DLEU7: variants seen among roughly 807,000 people sequenced by gnomAD.
DLEU7 encodes the protein deleted in lymphocytic leukemia 7, also known as leukemia-associated protein 7.
A neutral mutation model predicts 16.0 loss-of-function variants in DLEU7; 17 were observed. That is an observed-to-expected ratio of 1.06 (90% CI 0.73 to 1.59). The LOEUF is 1.59. Ranked by LOEUF, DLEU7 falls within the 40% of genes most tolerant of loss-of-function variation. The probability of loss-of-function intolerance (pLI) is 0.00; values close to 1 mark genes in which losing one functional copy is unlikely to be tolerated. For missense variants in DLEU7, 308 were observed against 314.9 expected (o/e 0.98, Z 0.17); for synonymous variants, 113 against 139.8 (o/e 0.81, Z 1.35).
Position 50,796,599 on chromosome 13 carries a change from G to A in DLEU7, c.459+46589C>T, listed in dbSNP as rs189860975. On this transcript the variant is annotated intron_variant, in intron 1 of 1. Transcript: ENST00000400393. Reference sequence around the variant, plus strand: ...ACAAAAAACTCAGAAACTGAAACCAGGTATAAGTGGGAACTGCTATAGTCC... The same window carrying A: ...ACAAAAAACTCAGAAACTGAAACCAAGTATAAGTGGGAACTGCTATAGTCC... Among the ~76,000 whole-genome samples the A allele has an allele frequency of 2.3e-3, 348 of 152,244 alleles. 1 individual carries two copies. Among genetic ancestry groups the A allele is most frequent in the African/African-American group, 7.8e-3 (322 of 41,544 alleles).
intron 1 of DLEU7, among the ~76,000 whole-genome samples, chr13:50,830,323 T>G (rs925958481): frequency 7.9e-5 from 12 of 152,350 alleles, no homozygotes; most frequent in African/African-American, 2.9e-4. Context: ...TTAGTTAAAT[T>G]TATTTCAAAT....
chr13:50,798,378 T>G (rs1593399715), intron 1 of DLEU7, among the ~76,000 whole-genome samples: 1 of 152,334 alleles, frequency 6.6e-6, no homozygotes, highest in Non-Finnish European at 1.5e-5. Context: ...TACTTTAATT[T>G]TTACGTTAAG....
intron 1 of DLEU7, among the ~76,000 whole-genome samples, chr13:50,782,342 T>G (rs1479677742): frequency 6.6e-6 from 1 of 152,214 alleles, no homozygotes; most frequent in Non-Finnish European, 1.5e-5. Flanking sequence ...GCCATGGTAA[T>G]CATTTTCCCA....
At chr13:50,839,625 T>C (rs187013761) in intron 1 of DLEU7, among the ~76,000 whole-genome samples, 37 of 152,316 alleles carry the variant, frequency 2.4e-4, no homozygotes, top group African/African-American at 8.7e-4. Flanking sequence ...CTCTAGATAG[T>C]GTAGGCTTCC....
rs562109541 is a variant in DLEU7 at position 50,745,721 on chromosome 13, T to C, written c.460-32481A>G. On this transcript the variant is annotated intron_variant, in intron 1 of 1. Coordinates refer to the DLEU7 transcript ENST00000400393. ...CGAGTGACAGCACTGAAAGGAAATT[T>C]ATCTTCCTGGTCTCTTTTTTCGATC... Among the ~76,000 whole-genome samples the C allele has an allele frequency of 1.7e-4, 26 of 152,270 alleles. 1 individual carries two copies. The South Asian group carries it at 2.9e-3, about 17-fold the overall frequency.
At chr13:50,831,952 T>C (rs1877283704) in intron 1 of DLEU7, among the ~76,000 whole-genome samples, 1 of 152,188 alleles carries the variant, frequency 6.6e-6, no homozygotes, top group Admixed American at 6.5e-5. Context: ...TTTTCTTTTT[T>C]TCTTTTGTCT....
At chr13:50,741,615 T>C (rs1874251630) in intron 1 of DLEU7, among the ~76,000 whole-genome samples, 1 of 152,206 alleles carries the variant, frequency 6.6e-6, no homozygotes, top group Non-Finnish European at 1.5e-5. Context: ...ATAAACTGCC[T>C]GAAAGCCAAG....
intron 1 of DLEU7, among the ~76,000 whole-genome samples, chr13:50,722,105 TA>T (rs1300930511): frequency 2.6e-5 from 4 of 152,184 alleles, no homozygotes; most frequent in African/African-American, 9.7e-5. Flanking sequence ...CTCATCTATA[TA>T]AAGAAGCCCT....
At chr13:50,786,688 A>G (rs1028414399) in intron 1 of DLEU7, among the ~76,000 whole-genome samples, 1 of 152,240 alleles carries the variant, frequency 6.6e-6, no homozygotes, top group Non-Finnish European at 1.5e-5. Flanking sequence ...TGCAAATGAT[A>G]ATTTTCAAAA....
intron 1 of DLEU7, among the ~76,000 whole-genome samples, chr13:50,825,157 A>G (rs115760044): frequency 0.012 from 1,803 of 152,246 alleles, 40 homozygotes; most frequent in African/African-American, 0.038. Context: ...AGTCATCCTT[A>G]AGTATTTCTG....
At chr13:50,730,399 A>G (rs144104303) in intron 1 of DLEU7, among the ~76,000 whole-genome samples, 2 of 152,324 alleles carry the variant, frequency 1.3e-5, no homozygotes, top group East Asian at 3.9e-4. Context: ...CTCATTGCTT[A>G]TCACTTGCAA....
At chr13:50,806,962 G>C (rs1477273974) in intron 1 of DLEU7, among the ~76,000 whole-genome samples, 11 of 115,758 alleles carry the variant, frequency 9.5e-5, no homozygotes, top group African/African-American at 4.7e-4. Context: ...GGGTGACAGA[G>C]CTAGACTCCC....
chr13:50,719,795 A>T (rs1250752773), intron 1 of DLEU7: 1 of 152,204 alleles, frequency 6.6e-6, no homozygotes, highest in Non-Finnish European at 1.5e-5. Context: ...ATTAGACATG[A>T]CTTTAGACAG....
chr13:50,820,595 T>C (rs1876873195), downstream of DLEU7, among the ~76,000 whole-genome samples: 1 of 152,098 alleles, frequency 6.6e-6, no homozygotes, highest in Non-Finnish European at 1.5e-5. Context: ...CCATTGTCCC[T>C]GTGCAATCAG....
chr13:50,753,830 G>A (rs935186799), intron 1 of DLEU7, among the ~76,000 whole-genome samples: 2 of 152,344 alleles, frequency 1.3e-5, no homozygotes, highest in East Asian at 1.9e-4. Context: ...AAGAGCGAGC[G>A]AGGGCTGCAA....
intron 1 of DLEU7, among the ~76,000 whole-genome samples, chr13:50,782,009 G>A (rs1286320380): frequency 6.6e-6 from 1 of 152,048 alleles, no homozygotes; most frequent in Non-Finnish European, 1.5e-5. Flanking sequence ...TTATTTATAT[G>A]CATAGTGGCT....
At chr13:50,815,512 C>G (rs1248479857) in intron 1 of DLEU7, among the ~76,000 whole-genome samples, 1 of 152,092 alleles carries the variant, frequency 6.6e-6, no homozygotes, top group Non-Finnish European at 1.5e-5. Flanking sequence ...TCAATTGTTT[C>G]TATACTGACT....
chr13:50,752,052 C>CTTTTTTTTTTTTTTTTTTTTTTTTTTT (rs200928092), intron 1 of DLEU7, among the ~76,000 whole-genome samples: 2 of 135,738 alleles, frequency 1.5e-5, no homozygotes, highest in African/African-American at 5.5e-5. Flanking sequence ...CTCTTTCAGT[C>CTTTTTTTTTTTTTTTTTTTTTTTTTTT]TTTTTTTTTT....
rs146033942 is a variant in DLEU7, at chr13:50,809,391, T to C, written c.459+33797A>G. ...GGGTGATAAAAATTGAGCTGTGGTCTAACCTATTGCATAATTTTCATTCTA... is the reference window on the plus strand; with the variant it reads ...GGGTGATAAAAATTGAGCTGTGGTCCAACCTATTGCATAATTTTCATTCTA... On this transcript the variant is annotated intron_variant, in intron 1 of 1. Transcript: ENST00000400393. 7.3e-4 allele frequency among the ~76,000 whole-genome samples: 111 copies of C among 152,318 alleles called. 1 individual carries two copies. The highest frequency in any genetic ancestry group is 2.6e-3 in the African/African-American group (110 of 41,588).
Sources: allele counts gnomAD v4.1 joint callset (sites outside exome capture counted in the v4.1 genomes callset), GRCh38; gene constraint gnomAD v4.1.1; transcripts MANE v1.5; gene names NCBI Gene and HGNC (gene_info 2026-07-23, HGNC 2026-07-21).